USP46: variants seen among roughly 807,000 people sequenced by gnomAD.
The protein encoded by USP46 is ubiquitin specific peptidase 46.
Under a neutral mutation model 44.4 loss-of-function variants are expected in USP46, and 12 were observed. The ratio of observed to expected loss-of-function variants is 0.27; its 90% confidence interval spans 0.17 to 0.44. The LOEUF (loss-of-function observed/expected upper bound fraction) is 0.44, where lower values mean the gene tolerates loss of function less well. Ranked by LOEUF, USP46 falls within the 20% of genes least tolerant of loss-of-function variation. The pLI, the probability that USP46 is intolerant of heterozygous loss-of-function variation, is 1.00. For synonymous variants in USP46, 155 were observed against 161.5 expected, an observed-to-expected ratio of 0.96 and a Z score of 0.31; for missense variants, 248 against 444.8, an observed-to-expected ratio of 0.56 and a Z score of 3.98.
chr4:52,656,247 A>G, intron 1 of USP46: 1 of 1,538,028 alleles, frequency 6.5e-7, no homozygotes, highest in Non-Finnish European at 8.8e-7. Flanking sequence ...GGTCAGTAAG[A>G]GGCCCACAGA....
chr4:52,605,745 A>G (rs932659286), intron 5 of USP46, among the ~76,000 whole-genome samples: 2 of 152,230 alleles, frequency 1.3e-5, no homozygotes, highest in African/African-American at 4.8e-5. Context: ...AGAAAGCATT[A>G]CATGATTCCC....
intron 5 of USP46, among the ~76,000 whole-genome samples, chr4:52,607,279 G>C (rs943115376): frequency 2.6e-5 from 4 of 152,134 alleles, no homozygotes; most frequent in Non-Finnish European, 5.9e-5. Flanking sequence ...AGAAAATGAA[G>C]GTAAGTTAGG....
In USP46 at chr4:52,597,650, G is replaced by T; in HGVS notation, c.1091C>A (p.Ser364Ter). 6.3e-7 allele frequency: 1 copy of T among 1,582,594 alleles called. No individual in the cohort carries two copies. The highest frequency in any genetic ancestry group is 1.2e-5 in the South Asian group (1 of 86,780). The change falls in exon 9 of 9, where the codon TCA becomes TAA. Residue 364 changes from serine to a stop codon, truncating the protein, a stop_gained. Transcript: ENST00000441222. LOFTEE classifies it high-confidence loss of function. ...CCGCAGGTCTTTCAGTTACTCTCTT[G>T]ACTGATAGAATAAAATATATCCAGA... The part of the protein sequence containing the change: ...SESGYILFYQ[S>*]RE
rs1716069589 is a variant in USP46, at chr4:52,592,727, T to C, written c.*4913A>G. 2 of 395,478 alleles carry C rather than the reference T, an allele frequency of 5.1e-6. No individual in the cohort carries two copies. The highest frequency in any genetic ancestry group is 8.9e-6 in the Non-Finnish European group (2 of 224,772). 24.5% of individuals were successfully genotyped at this position (395,478 alleles called of 1,614,324 possible). A position where few individuals can be genotyped will look rare whatever the true frequency, so the allele number is the denominator to read the frequency against. ...AGTGGCACATGCCTGTAGTCCCAGC[T>C]ACTTGGGAGGCTGAGGCAGAAGAAT... is the stretch of plus-strand genomic sequence containing the variant. On this transcript the variant is annotated 3_prime_UTR_variant, in exon 9 of 9. Coordinates refer to ENST00000441222, the MANE Select transcript of USP46 (RefSeq NM_022832.4).
chr4:52,646,687 A>G (rs1007568277), intron 1 of USP46, among the ~76,000 whole-genome samples: 1 of 152,222 alleles, frequency 6.6e-6, no homozygotes, highest in Non-Finnish European at 1.5e-5. Context: ...GAAAATAACA[A>G]TAAAACTGGT....
chr4:52,610,519 A>G, intron 5 of USP46, 22 bp downstream of exon 5: 1 of 1,609,612 alleles, frequency 6.2e-7, no homozygotes, highest in Non-Finnish European at 8.5e-7. Context: ...CAAAAGCTCA[A>G]ACTGCCTCAG....
chr4:52,652,816 T>C (rs990516894), intron 1 of USP46, among the ~76,000 whole-genome samples: 4 of 152,150 alleles, frequency 2.6e-5, no homozygotes, highest in Non-Finnish European at 4.4e-5. Context: ...TTTAAATGTA[T>C]ATATAGTATT....
At chr4:52,654,043 C>G (rs904887178) in intron 1 of USP46, among the ~76,000 whole-genome samples, 1 of 152,004 alleles carries the variant, frequency 6.6e-6, no homozygotes, top group Admixed American at 6.6e-5. Context: ...AACTAAATAC[C>G]AGCATTCAAC....
At chr4:52,610,713 A>G (rs1156873229) in intron 4 of USP46, 96 bp from the exon 5 acceptor site, 5 of 1,162,838 alleles carry the variant, frequency 4.3e-6, no homozygotes, top group Non-Finnish European at 6.3e-6. Flanking sequence ...AATAAAAACC[A>G]TAACTGCAGT....
chr4:52,614,761 T>A (rs111452185), intron 4 of USP46, among the ~76,000 whole-genome samples: 1 of 152,198 alleles, frequency 6.6e-6, no homozygotes, highest in Non-Finnish European at 1.5e-5. Flanking sequence ...AATTTTTGTA[T>A]AATATTCACA....
chr4:52,598,475 G>A (rs1216142008), intron 8 of USP46, 153 bp downstream of exon 8: 1 of 714,496 alleles, frequency 1.4e-6, no homozygotes, highest in African/African-American at 1.8e-5. Context: ...TGGAGCATGG[G>A]GATTAGCAGA....
intron 7 of USP46, among the ~76,000 whole-genome samples, chr4:52,601,245 A>G (rs1716457619): frequency 6.6e-6 from 1 of 152,314 alleles, no homozygotes; most frequent in East Asian, 1.9e-4. Context: ...TTTTCAAGAT[A>G]CTTTTCTTCC....
Position 52,602,046 on chromosome 4 carries a change from A to G in USP46, c.731T>C (p.Val244Ala). The G allele has an allele frequency of 6.2e-7, 1 of 1,611,046 alleles. No individual in the cohort carries two copies. Among genetic ancestry groups the G allele is most frequent in the Non-Finnish European group, 8.5e-7 (1 of 1,178,448 alleles). The part of the protein sequence containing the change: ...SKQEAQKRMR[V>A]KKLPMILALH... ...GGCCAAGATCATGGGCAGCTTTTTT[A>G]CCCTCATCCTAAGAAACCAAGAAAT... The change falls in exon 7 of 9, where the codon GTA becomes GCA. Residue 244 changes from valine to alanine, a missense_variant. Val to Ala is a moderately conservative substitution (Grantham distance 64). Around this residue, in one of 5 missense-constraint regions of USP46, gnomAD observed 98 missense variants for 218.2 expected, o/e 0.45. Coordinates refer to ENST00000441222, the MANE Select transcript of USP46 (RefSeq NM_022832.4).
chr4:52,659,201 CG>C lies in USP46; in HGVS notation c.-52del. 1 of 1,492,010 alleles carries C rather than the reference CG, an allele frequency of 6.7e-7. No individual in the cohort carries two copies. The highest frequency in any genetic ancestry group is 9.0e-7 in the Non-Finnish European group (1 of 1,115,868). The allele number at this position is 1,492,010 out of a possible 1,614,324, so 92.4% of individuals were successfully genotyped here. On this transcript the variant is annotated 5_prime_UTR_variant, in exon 1 of 9. The change abolishes the stop of an existing upstream ORF in the 5' untranslated region. Transcript: ENST00000441222. This position sits in a 1 kb window ranked among gnomAD's most constrained non-coding sequence, Gnocchi z 4.2. ...CACCGCCATCTTTACAAGGGGAAACCGGGACTGCCCATGGTGGCGCGCTGGC... is the reference window on the plus strand; with the variant it reads ...CACCGCCATCTTTACAAGGGGAAACCGGACTGCCCATGGTGGCGCGCTGGC...
intron 2 of USP46, among the ~76,000 whole-genome samples, chr4:52,629,882 GA>G (rs1440308407): frequency 2.6e-5 from 4 of 152,142 alleles, no homozygotes; most frequent in Admixed American, 2.6e-4. Context: ...ACAAGCTAGG[GA>G]GTAGCACAGG....
In USP46 at chr4:52,601,967, C is replaced by T. The variant is rs1184243888; in HGVS notation, c.810G>A (p.Leu270=). The T allele has an allele frequency of 6.2e-7, 1 of 1,614,008 alleles. No homozygotes were observed. Among genetic ancestry groups the T allele is most frequent in the South Asian group, 1.1e-5 (1 of 91,082 alleles). The change falls in exon 7 of 9, where the codon CTG becomes CTA. Residue 270 remains leucine (L), a synonymous_variant. Transcript: ENST00000441222. The part of the protein sequence containing the change: ...YMEQLHRYTK[L]SYRVVFPLEL... ...CCAGAGGGAAGACCACACGGTAAGA[C>T]AGCTTGGTGTATCTGTGCAGCTGCT...
At chr4:52,599,171 G>A (rs1239079385) in intron 7 of USP46, among the ~76,000 whole-genome samples, 1 of 151,972 alleles carries the variant, frequency 6.6e-6, no homozygotes, top group African/African-American at 2.4e-5. Context: ...AGTGATGGGA[G>A]GAGGTAATAT....
chr4:52,599,503 G>A (rs1288260290), intron 7 of USP46, among the ~76,000 whole-genome samples: 2 of 152,090 alleles, frequency 1.3e-5, no homozygotes, highest in African/African-American at 4.8e-5. Flanking sequence ...GCTTGAGCAA[G>A]CCAGGAAGAA....
At chr4:52,615,678 C>T (rs1000400392) in intron 4 of USP46, among the ~76,000 whole-genome samples, 1 of 152,086 alleles carries the variant, frequency 6.6e-6, no homozygotes, top group Admixed American at 6.5e-5. Flanking sequence ...CCAGAAAAGG[C>T]AAATCTCTAA....
Sources: allele counts gnomAD v4.1 joint callset (sites outside exome capture counted in the v4.1 genomes callset), GRCh38; gene constraint gnomAD v4.1.1; regional missense constraint gnomAD v4.1.1; non-coding constraint Gnocchi (gnomAD v3.1); transcripts MANE v1.5; gene names NCBI Gene and HGNC (gene_info 2026-07-23, HGNC 2026-07-21).